OR13A1: variants seen among roughly 807,000 people sequenced by gnomAD.
OR13A1 encodes olfactory receptor family 13 subfamily A member 1, also known as olfactory receptor 13A1.
A neutral mutation model predicts 7.5 loss-of-function variants in OR13A1; 10 were observed. The observed-to-expected ratio is 1.34, with a 90% CI of 0.83 to 2.27. The LOEUF is 2.27. Ranked by LOEUF, OR13A1 falls within the 30% of genes most tolerant of loss-of-function variation. The pLI, the probability that OR13A1 is intolerant of heterozygous loss-of-function variation, is 0.00. For missense variants in OR13A1, 509 were observed against 419.1 expected (o/e 1.21, Z -1.87); for synonymous variants, 238 against 177.9 (o/e 1.34, Z -2.69).
At chr10:45,308,549 A>G (rs1588943786) in intron 1 of OR13A1, among the ~76,000 whole-genome samples, 2 of 152,330 alleles carry the variant, frequency 1.3e-5, no homozygotes, top group South Asian at 2.1e-4. Flanking sequence ...TTACTGATCA[A>G]ATGGTAATAA....
At chr10:45,308,135 G>A (rs1383198052) in intron 1 of OR13A1, among the ~76,000 whole-genome samples, 2 of 152,058 alleles carry the variant, frequency 1.3e-5, no homozygotes, top group Admixed American at 6.6e-5. Context: ...TATGAAGGTA[G>A]GCATTTCTAT....
At position 45,303,904 on chromosome 10, in the gene OR13A1, G is replaced by A; in HGVS notation, c.519C>T (p.Asn173=). ...GCATCAGCCCCGTGTGGATGGCCGT[G>A]TTGACGGCGCAGAGCAGCCACACGG... ...ATAVWLLCAV[N]TAIHTGLMLR... is the part of the protein sequence containing the mutation. The change falls in exon 4 of 4, where the codon AAC becomes AAT. Residue 173 remains asparagine, a synonymous_variant. Coordinates refer to ENST00000553795, the MANE Select transcript of OR13A1 (RefSeq NM_001004297.3). 1 of 1,613,558 alleles carries A rather than the reference G, an allele frequency of 6.2e-7. No individual in the cohort carries two copies. Among genetic ancestry groups the A allele is most frequent in the South Asian group, 1.1e-5 (1 of 91,090 alleles).
At position 45,303,789 on chromosome 10, in the gene OR13A1, C is replaced by A; in HGVS notation, c.634G>T (p.Val212Phe). 6.2e-7 allele frequency: 1 copy of A among 1,613,870 alleles called. No individual in the cohort carries two copies. Among genetic ancestry groups the A allele is most frequent in the Non-Finnish European group, 8.5e-7 (1 of 1,180,034 alleles). ...LLLLSCSSTY[V>F]NGVMIVLADA... ...GCCAGGACAATCATGACACCGTTGA[C>A]GTAGGTGGAGCTGCAGGAGAGAAGC... Residue 212 changes from valine (V) to phenylalanine (F), a missense_variant, in exon 4 of 4, where the codon GTC becomes TTC. Coordinates refer to ENST00000553795, the MANE Select transcript of OR13A1 (RefSeq NM_001004297.3).
chr10:45,303,408 C>T lies in OR13A1; in HGVS notation c.*28G>A, dbSNP rs1455116266. ...CAGACTCCACTAAAACTGCAGTCTC[C>T]AAGGACAAAAACTTCAGAAGACACA... On this transcript the variant is annotated 3_prime_UTR_variant, in exon 4 of 4. Coordinates refer to ENST00000553795, the MANE Select transcript of OR13A1 (RefSeq NM_001004297.3). 3 of 1,560,418 alleles carry T rather than the reference C, an allele frequency of 1.9e-6. No homozygotes were observed. The highest frequency in any genetic ancestry group is 1.4e-5 in the African/African-American group (1 of 73,062).
intron 1 of OR13A1, among the ~76,000 whole-genome samples, chr10:45,312,493 T>TA (rs944904701): frequency 6.6e-6 from 1 of 151,434 alleles, no homozygotes; most frequent in Admixed American, 6.6e-5. Flanking sequence ...TTACACTCAC[T>TA]AAAAATACCT....
At chr10:45,308,090 C>G (rs908416365) in intron 1 of OR13A1, among the ~76,000 whole-genome samples, 1 of 152,146 alleles carries the variant, frequency 6.6e-6, no homozygotes. Context: ...ATGATTTTCA[C>G]AGACACCATA....
chr10:45,309,784 A>C (rs2133043878), intron 1 of OR13A1, among the ~76,000 whole-genome samples: 1 of 152,292 alleles, frequency 6.6e-6, no homozygotes, highest in South Asian at 2.1e-4. Context: ...TGGGTTTACT[A>C]TTAAAACGCA....
chr10:45,303,723 C>G lies in OR13A1; in HGVS notation c.700G>C (p.Ala234Pro). 1 of 1,614,178 alleles carries G rather than the reference C, an allele frequency of 6.2e-7. No individual in the cohort carries two copies. Among genetic ancestry groups the G allele is most frequent in the Non-Finnish European group, 8.5e-7 (1 of 1,180,034 alleles). Residue 234 changes from alanine to proline, a missense_variant, in exon 4 of 4, where the codon GCG becomes CCG. Coordinates refer to ENST00000553795, the MANE Select transcript of OR13A1 (RefSeq NM_001004297.3). ...YGIVNFLMTI[A>P]SYGFIVSSIL... ...CTGGAGACGATGAAGCCATAGGACG[C>G]GATGGTCATCAGGAAGTTCACTATG...
In OR13A1 at chr10:45,306,222, T is replaced by G. The variant is rs569960908; in HGVS notation, c.-13+1204A>C. ...GTAATCCCAGCACTTTGGGAGGCCG[T>G]GGAGGGTGGATCAGAAGGTCAGGAG... On this transcript the variant is annotated intron_variant, in intron 3 of 3. Transcript: ENST00000553795. 6.6e-5 allele frequency among the ~76,000 whole-genome samples: 10 copies of G among 152,102 alleles called. 1 individual carries two copies. In the South Asian group the frequency reaches 2.1e-3, roughly 32 times the overall value.
intron 1 of OR13A1, among the ~76,000 whole-genome samples, chr10:45,310,817 A>C (rs1346034395): frequency 2.0e-5 from 3 of 152,190 alleles, no homozygotes; most frequent in Non-Finnish European, 2.9e-5. Flanking sequence ...AGGGTGAAAG[A>C]GGTAAACAGG....
chr10:45,314,092 C>A (rs1838486709), intron 1 of OR13A1, among the ~76,000 whole-genome samples: 3 of 151,950 alleles, frequency 2.0e-5, no homozygotes, highest in Admixed American at 2.0e-4. Flanking sequence ...AACTAGACAT[C>A]AGTAGCAGAA....
At chr10:45,310,069 T>G (rs897829474) in intron 1 of OR13A1, among the ~76,000 whole-genome samples, 2 of 152,206 alleles carry the variant, frequency 1.3e-5, no homozygotes, top group Non-Finnish European at 2.9e-5. Flanking sequence ...TTCCAAAAAA[T>G]TCTGCCTTGG....
rs141970131 is a variant in OR13A1 at position 45,307,486 on chromosome 10, G to T, written c.-73C>A. ...TCTTCTCAATCAACTGGTCAATAAT[G>T]AGATCAAAGAATCGGGGCTCCAATC... is the stretch of plus-strand genomic sequence containing the variant. On this transcript the variant is annotated 5_prime_UTR_variant, in exon 3 of 4. Coordinates refer to ENST00000553795, the MANE Select transcript of OR13A1 (RefSeq NM_001004297.3). 6.6e-6 allele frequency: 1 copy of T among 152,146 alleles called. No individual in the cohort carries two copies. The highest frequency in any genetic ancestry group is 1.5e-5 in the Non-Finnish European group (1 of 68,026). The allele number at this position is 152,146 out of a possible 1,614,324, so 9.4% of individuals were successfully genotyped here.
rs1588939439 is a variant in OR13A1, at chr10:45,303,102, G to A, written c.*334C>T. 4 of 228,604 alleles carry A rather than the reference G, an allele frequency of 1.7e-5. No homozygotes were observed. The East Asian group carries it at 3.9e-4, about 22-fold the overall frequency. 14.2% of individuals were successfully genotyped at this position (228,604 alleles called of 1,614,324 possible). A position where few individuals can be genotyped will look rare whatever the true frequency, so the allele number is the denominator to read the frequency against. ...TGATTTTAGAATTTACACCCTGAGTGTTGTACATACAAAAGGAAAATGTTT... is the reference window on the plus strand; with the variant it reads ...TGATTTTAGAATTTACACCCTGAGTATTGTACATACAAAAGGAAAATGTTT... On this transcript the variant is annotated 3_prime_UTR_variant, in exon 4 of 4. Coordinates refer to ENST00000553795, the MANE Select transcript of OR13A1 (RefSeq NM_001004297.3).
At chr10:45,309,522 A>T (rs1010052186) in intron 1 of OR13A1, among the ~76,000 whole-genome samples, 2 of 152,050 alleles carry the variant, frequency 1.3e-5, no homozygotes, top group Non-Finnish European at 2.9e-5. Flanking sequence ...AGGCAATAAC[A>T]TGGGCTTCAG....
chr10:45,312,075 G>A (rs921567993), intron 1 of OR13A1, among the ~76,000 whole-genome samples: 9 of 151,782 alleles, frequency 5.9e-5, no homozygotes, highest in African/African-American at 1.9e-4. Flanking sequence ...AAATAGAAGT[G>A]GAAAAATAAA....
At chr10:45,313,109 C>T (rs1838470782) in intron 1 of OR13A1, among the ~76,000 whole-genome samples, 2 of 152,038 alleles carry the variant, frequency 1.3e-5, no homozygotes, top group South Asian at 4.1e-4. Flanking sequence ...TTAATGAATA[C>T]ATTACATATG....
intron 1 of OR13A1, among the ~76,000 whole-genome samples, chr10:45,313,431 C>A (rs1421031588): frequency 1.3e-5 from 2 of 151,788 alleles, no homozygotes; most frequent in Non-Finnish European, 2.9e-5. Context: ...AGGTCCTTCC[C>A]TATCAGTAAT....
chr10:45,307,757 T>C lies in OR13A1; in HGVS notation c.-173A>G, dbSNP rs1456691208. 2.0e-5 allele frequency: 3 copies of C among 152,184 alleles called. No homozygotes were observed. Among genetic ancestry groups the C allele is most frequent in the Non-Finnish European group, 4.4e-5 (3 of 68,038 alleles). The allele number at this position is 152,184 out of a possible 1,614,324, so 9.4% of individuals were successfully genotyped here. A position where few individuals can be genotyped will look rare whatever the true frequency, so the allele number is the denominator to read the frequency against. ...ATCTCACCAGCAGGCCAACAGGATA[T>C]TCGAACAGCGGTTATTTTCCACATT... On this transcript the variant is annotated 5_prime_UTR_variant, in exon 2 of 4. Transcript: ENST00000553795.
Sources: gnomAD v4.1 joint callset for allele counts (sites outside exome capture counted in the v4.1 genomes callset) on GRCh38, gnomAD v4.1.1 for gene constraint, MANE v1.5 for transcripts, NCBI Gene and HGNC (gene_info 2026-07-23, HGNC 2026-07-21) for gene names.